Variants in TMC1 observed in about 807,000 individuals in gnomAD.
TMC1 encodes transmembrane channel like 1.
Under a neutral mutation model 105.8 loss-of-function variants are expected in TMC1, and 84 were observed. That is an observed-to-expected ratio of 0.79 (90% CI 0.67 to 0.95). TMC1 has a LOEUF of 0.95. Ranked by LOEUF, TMC1 falls within the 40% of genes least tolerant of loss-of-function variation. TMC1 has a pLI of 0.00. For missense variants in TMC1, 817 were observed against 914.1 expected, an observed-to-expected ratio of 0.89 and a Z score of 1.37; for synonymous variants, 315 against 311.5, an observed-to-expected ratio of 1.01 and a Z score of -0.12.
At chr9:72,633,900 T>C (rs1169513279) in intron 4 of TMC1, among the ~76,000 whole-genome samples, 2 of 152,110 alleles carry the variant, frequency 1.3e-5, no homozygotes, top group Non-Finnish European at 2.9e-5. Context: ...CATAAGACTG[T>C]CTATAATGGC....
chr9:72,521,687 G>A lies in TMC1; in HGVS notation c.-654G>A, dbSNP rs1439729193. 1 of 151,880 alleles carries A rather than the reference G, an allele frequency of 6.6e-6. No individual in the cohort carries two copies. Among genetic ancestry groups the A allele is most frequent in the Middle Eastern group, 3.2e-3 (1 of 316 alleles). The allele number at this position is 151,880 out of a possible 1,614,324, so 9.4% of individuals were successfully genotyped here. A position where few individuals can be genotyped will look rare whatever the true frequency, so the allele number is the denominator to read the frequency against. The stretch of plus-strand genomic sequence containing the variant: ...GAACCCGGAAGGCGGAGGTTGCAGT[G>A]AGCTGAAATCACGCCATTGCGCTCC... On this transcript the variant is annotated 5_prime_UTR_variant, in exon 1 of 24. Coordinates refer to ENST00000297784, the MANE Select transcript of TMC1 (RefSeq NM_138691.3).
At chr9:72,686,574 C>T (rs1459318955) in intron 5 of TMC1, among the ~76,000 whole-genome samples, 4 of 152,182 alleles carry the variant, frequency 2.6e-5, no homozygotes, top group African/African-American at 4.8e-5. Flanking sequence ...TCTTAAATCT[C>T]CTGGTCATAG....
At chr9:72,522,675 T>C (rs1285695722) in intron 1 of TMC1, among the ~76,000 whole-genome samples, 3 of 152,252 alleles carry the variant, frequency 2.0e-5, no homozygotes, top group African/African-American at 7.2e-5. Flanking sequence ...TGTGGTCATA[T>C]TGCTTATTAG....
At chr9:72,524,531 A>G (rs1025707028) in intron 1 of TMC1, among the ~76,000 whole-genome samples, 9 of 152,236 alleles carry the variant, frequency 5.9e-5, no homozygotes, top group African/African-American at 1.7e-4. Flanking sequence ...TTTGATCACT[A>G]TAACAACCCA....
chr9:72,820,709 G>T, intron 19 of TMC1, 133 bp from the exon 20 acceptor site: 3 of 1,090,750 alleles, frequency 2.8e-6, no homozygotes, highest in Non-Finnish European at 2.7e-6. Flanking sequence ...TTATGAAAAG[G>T]GTTTGTCTGG....
At chr9:72,594,554 A>G (rs1824688665) in intron 2 of TMC1, among the ~76,000 whole-genome samples, 2 of 152,162 alleles carry the variant, frequency 1.3e-5, no homozygotes, top group African/African-American at 4.8e-5. Flanking sequence ...AAAATAATCA[A>G]CATGCCACAT....
Position 72,836,312 on chromosome 9 carries a change from T to C in TMC1, c.*339T>C, listed in dbSNP as rs1023920545. On this transcript the variant is annotated 3_prime_UTR_variant, in exon 24 of 24. Transcript: ENST00000297784. ...TAGTTGGTGGGTTAATTAAAAAAAA[T>C]TTGCTCATATGAACTTTCATTTTAT... 4 of 284,868 alleles carry C rather than the reference T, an allele frequency of 1.4e-5. No homozygotes were observed. The highest frequency in any genetic ancestry group is 2.6e-5 in the Non-Finnish European group (4 of 152,388). 17.6% of individuals were successfully genotyped at this position (284,868 alleles called of 1,614,324 possible).
chr9:72,738,756 AG>A (rs753805890), intron 8 of TMC1, among the ~76,000 whole-genome samples: 9 of 152,132 alleles, frequency 5.9e-5, no homozygotes, highest in Admixed American at 6.5e-5. Context: ...ATATGTTAAT[AG>A]GAGTTTAATT....
chr9:72,631,151 T>C (rs982604553), intron 4 of TMC1, among the ~76,000 whole-genome samples: 9 of 152,334 alleles, frequency 5.9e-5, no homozygotes, highest in African/African-American at 2.2e-4. Flanking sequence ...AATGCTGGGA[T>C]TACAGGTGTG....
intron 2 of TMC1, among the ~76,000 whole-genome samples, chr9:72,585,152 CTT>C (rs1274611916): frequency 9.5e-5 from 12 of 126,014 alleles, no homozygotes; most frequent in Admixed American, 1.6e-4. Flanking sequence ...GGTGCCATGT[CTT>C]TTTTTTTTTT....
chr9:72,820,968 C>G lies in TMC1; in HGVS notation c.1890C>G (p.Ser630=), dbSNP rs770386103. Reference sequence around the variant, plus strand: ...CTGAGGCCAGGGTCTTCAAAGCTTCCAGATCAAATAACTTCTACCTGGGCA... The same window carrying G: ...CTGAGGCCAGGGTCTTCAAAGCTTCGAGATCAAATAACTTCTACCTGGGCA... ...NVPEARVFKA[S]RSNNFYLGML... The change falls in exon 20 of 24, where the codon TCC becomes TCG. Residue 630 remains serine, a synonymous_variant. Coordinates refer to ENST00000297784, the MANE Select transcript of TMC1 (RefSeq NM_138691.3). 1 of 1,614,164 alleles carries G rather than the reference C, an allele frequency of 6.2e-7. No homozygotes were observed. Among genetic ancestry groups the G allele is most frequent in the Admixed American group, 1.7e-5 (1 of 60,018 alleles).
chr9:72,813,931 G>C (rs1397714907), intron 18 of TMC1, among the ~76,000 whole-genome samples: 1 of 152,152 alleles, frequency 6.6e-6, no homozygotes, highest in Non-Finnish European at 1.5e-5. Flanking sequence ...CCAATTTATA[G>C]ATCAAGGGGG....
At chr9:72,783,084 A>G (rs11524224) in intron 13 of TMC1, among the ~76,000 whole-genome samples, 7 of 152,184 alleles carry the variant, frequency 4.6e-5, no homozygotes, top group Non-Finnish European at 1.0e-4. Flanking sequence ...AAATCTCATG[A>G]TACTGATAGA....
chr9:72,592,469 C>T (rs576452994), intron 2 of TMC1, among the ~76,000 whole-genome samples: 2 of 152,280 alleles, frequency 1.3e-5, no homozygotes, highest in African/African-American at 4.8e-5. Flanking sequence ...CCGTGATCCT[C>T]CAGCCTCAGC....
chr9:72,536,906 CTG>C (rs1454927844), intron 1 of TMC1, among the ~76,000 whole-genome samples: 1 of 152,202 alleles, frequency 6.6e-6, no homozygotes, highest in Non-Finnish European at 1.5e-5. Flanking sequence ...CAAGTAGAGG[CTG>C]TGTGTGGTTG....
chr9:72,535,857 C>T (rs1292496940), intron 1 of TMC1, among the ~76,000 whole-genome samples: 1 of 152,174 alleles, frequency 6.6e-6, no homozygotes, highest in African/African-American at 2.4e-5. Flanking sequence ...AACCACTTCT[C>T]ATGGGAACTA....
chr9:72,798,420 C>G (rs1828410455), intron 17 of TMC1, among the ~76,000 whole-genome samples: 1 of 152,004 alleles, frequency 6.6e-6, no homozygotes, highest in Non-Finnish European at 1.5e-5. Flanking sequence ...ATGTTCATTG[C>G]AGCACTATTC....
chr9:72,571,977 C>T (rs977132649), intron 1 of TMC1, among the ~76,000 whole-genome samples: 14 of 151,436 alleles, frequency 9.2e-5, no homozygotes, highest in African/African-American at 3.4e-4. Flanking sequence ...GCTGGGATTA[C>T]AGGCATGTAC....
At chr9:72,589,013 G>A (rs1387834383) in intron 2 of TMC1, among the ~76,000 whole-genome samples, 6 of 151,986 alleles carry the variant, frequency 3.9e-5, no homozygotes, top group South Asian at 4.2e-4. Context: ...CAGGTGATCC[G>A]CCTGCCTTGG....
Sources: gnomAD v4.1 joint callset for allele counts (sites outside exome capture counted in the v4.1 genomes callset) on GRCh38, gnomAD v4.1.1 for gene constraint, MANE v1.5 for transcripts, NCBI Gene and HGNC (gene_info 2026-07-23, HGNC 2026-07-21) for gene names.